MDGA2: variants seen among roughly 807,000 people sequenced by gnomAD.
MDGA2 encodes MAM domain containing glycosylphosphatidylinositol anchor 2.
MDGA2 carries 40 observed loss-of-function variants against 117.8 expected under a neutral mutation model. The ratio of observed to expected loss-of-function variants is 0.34; its 90% CI spans 0.26 to 0.44. MDGA2 has a LOEUF of 0.44. MDGA2 is among the 20% of genes least tolerant of loss of function. The pLI is 1.00. For synonymous variants in MDGA2, 452 were observed against 439.0 expected (o/e 1.03, Z -0.37); for missense variants, 1,123 against 1,250.6 (o/e 0.90, Z 1.54).
intron 9 of MDGA2, among the ~76,000 whole-genome samples, chr14:46,934,887 T>C (rs1884720294): frequency 1.3e-5 from 2 of 152,126 alleles, no homozygotes; most frequent in Non-Finnish European, 1.5e-5. Context: ...AAGGTCAAAA[T>C]AGCTATGACA....
chr14:47,598,495 A>C (rs1363199164), intron 1 of MDGA2, among the ~76,000 whole-genome samples: 1 of 152,204 alleles, frequency 6.6e-6, no homozygotes, highest in Non-Finnish European at 1.5e-5. Context: ...GTTCAGCCAT[A>C]AAAATAATGA....
chr14:47,000,889 G>A (rs1226428262), intron 8 of MDGA2, among the ~76,000 whole-genome samples: 1 of 151,966 alleles, frequency 6.6e-6, no homozygotes, highest in Non-Finnish European at 1.5e-5. Flanking sequence ...AGTAAGCATA[G>A]TTTGATTCTA....
chr14:47,208,893 AAC>A (rs1885781766), intron 3 of MDGA2, among the ~76,000 whole-genome samples: 1 of 151,976 alleles, frequency 6.6e-6, no homozygotes, highest in South Asian at 2.1e-4. Flanking sequence ...CAAAAGTATA[AAC>A]ACAGGCACAC....
rs918065187 is a variant in MDGA2, at chr14:47,198,283, T to C, written c.595+19738A>G. On this transcript the variant is annotated intron_variant, in intron 3 of 16. Transcript: ENST00000399232. Reference sequence around the variant, plus strand: ...TATCTACTTTAACTTGTTTAAAAAATGATTGAGGGCTGGACATGGTGGCTC... The same window carrying C: ...TATCTACTTTAACTTGTTTAAAAAACGATTGAGGGCTGGACATGGTGGCTC... Among the ~76,000 whole-genome samples the C allele has an allele frequency of 3.3e-5, 5 of 152,076 alleles. No individual in the cohort carries two copies. The East Asian group carries it at 9.7e-4, about 29-fold the overall frequency.
chr14:47,296,089 G>T (rs1232858203), intron 2 of MDGA2, among the ~76,000 whole-genome samples: 1 of 152,128 alleles, frequency 6.6e-6, no homozygotes, highest in Non-Finnish European at 1.5e-5. Context: ...AAGCTGTGCA[G>T]TGGAATATTG....
At chr14:47,603,040 C>A (rs573790488) in intron 1 of MDGA2, among the ~76,000 whole-genome samples, 1 of 152,040 alleles carries the variant, frequency 6.6e-6, no homozygotes, top group African/African-American at 2.4e-5. Context: ...GCCTTGGGAG[C>A]CTGCTTCTTC....
intron 1 of MDGA2, among the ~76,000 whole-genome samples, chr14:47,629,692 C>T (rs1897218124): frequency 6.6e-6 from 1 of 152,148 alleles, no homozygotes; most frequent in Admixed American, 6.5e-5. Context: ...TACTTTCTCC[C>T]TTATACATTA....
chr14:47,416,274 A>T lies in MDGA2; in HGVS notation c.281-114724T>A, dbSNP rs1892473954. On this transcript the variant is annotated intron_variant, in intron 1 of 16. Coordinates refer to ENST00000399232, the MANE Select transcript of MDGA2 (RefSeq NM_001113498.3). Reference sequence around the variant, plus strand: ...GATACAACAGTGAAACAGGAATAGCATAGATATTCCTCTTCCAAAAAAGAA... The same window carrying T: ...GATACAACAGTGAAACAGGAATAGCTTAGATATTCCTCTTCCAAAAAAGAA... 2.7e-5 allele frequency among the ~76,000 whole-genome samples: 4 copies of T among 147,514 alleles called. No homozygotes were observed. The South Asian group carries it at 9.0e-4, about 33-fold the overall frequency.
At chr14:46,976,488 A>G (rs1037232283) in intron 8 of MDGA2, among the ~76,000 whole-genome samples, 11 of 152,066 alleles carry the variant, frequency 7.2e-5, no homozygotes, top group African/African-American at 2.2e-4. Context: ...GCTTGGTTAG[A>G]GCTGTTTTTT....
At chr14:47,453,140 C>T (rs1000376100) in intron 1 of MDGA2, among the ~76,000 whole-genome samples, 5 of 151,874 alleles carry the variant, frequency 3.3e-5, no homozygotes, top group Admixed American at 1.3e-4. Context: ...ATTACATGCT[C>T]TATTAATATA....
At chr14:47,088,955 G>T (rs1441173316) in intron 6 of MDGA2, among the ~76,000 whole-genome samples, 1 of 152,082 alleles carries the variant, frequency 6.6e-6, no homozygotes, top group African/African-American at 2.4e-5. Flanking sequence ...CATTAAGTAA[G>T]ATTATGTCCA....
chr14:46,974,095 A>G lies in MDGA2; in HGVS notation c.1820-16452T>C, dbSNP rs187705735. Among the ~76,000 whole-genome samples the G allele has an allele frequency of 3.9e-3, 588 of 152,190 alleles. 8 individuals are homozygous for G. Among genetic ancestry groups the G allele is most frequent in the African/African-American group, 0.014 (575 of 41,528 alleles). On this transcript the variant is annotated intron_variant, in intron 8 of 16. Coordinates refer to ENST00000399232, the MANE Select transcript of MDGA2 (RefSeq NM_001113498.3). Reference sequence around the variant, plus strand: ...ACATTTTGAAAAAGAAATTACAAAAAAAATCCATTTATAATAGTATCAAAA... The same window carrying G: ...ACATTTTGAAAAAGAAATTACAAAAGAAATCCATTTATAATAGTATCAAAA...
chr14:46,958,356 T>A (rs975075789), intron 8 of MDGA2, among the ~76,000 whole-genome samples: 4 of 151,890 alleles, frequency 2.6e-5, no homozygotes, highest in African/African-American at 9.7e-5. Context: ...AAGAAGACCA[T>A]AAGCGCTTGG....
intron 8 of MDGA2, among the ~76,000 whole-genome samples, chr14:46,958,896 C>T (rs994706194): frequency 6.6e-4 from 101 of 152,198 alleles, no homozygotes; most frequent in African/African-American, 2.3e-3. Context: ...TGGGTGTGCC[C>T]ACTAAGAAGG....
intron 1 of MDGA2, among the ~76,000 whole-genome samples, chr14:47,376,733 A>G (rs1488762618): frequency 2.0e-5 from 3 of 152,164 alleles, no homozygotes; most frequent in East Asian, 1.9e-4. Flanking sequence ...CAGCAAAACA[A>G]TGTAATTAGT....
chr14:47,618,943 G>A (rs1055494190), intron 1 of MDGA2, among the ~76,000 whole-genome samples: 3 of 151,758 alleles, frequency 2.0e-5, no homozygotes, highest in Admixed American at 6.6e-5. Flanking sequence ...CTTTCATGGT[G>A]GTCAGATGTG....
chr14:47,057,754 T>G (rs575760170), intron 7 of MDGA2, among the ~76,000 whole-genome samples: 1 of 150,938 alleles, frequency 6.6e-6, no homozygotes, highest in South Asian at 2.1e-4. Context: ...TGCCTTGCCT[T>G]GCCTTGCCTT....
At chr14:46,985,235 G>A (rs1022319832) in intron 8 of MDGA2, among the ~76,000 whole-genome samples, 4 of 151,964 alleles carry the variant, frequency 2.6e-5, no homozygotes, top group African/African-American at 4.8e-5. Flanking sequence ...ATGAAATAAC[G>A]TGAAAGTGAC....
At chr14:47,142,904 C>A (rs1047911475) in intron 4 of MDGA2, among the ~76,000 whole-genome samples, 3 of 152,046 alleles carry the variant, frequency 2.0e-5, no homozygotes, top group African/African-American at 4.8e-5. Flanking sequence ...CTGTTCTATA[C>A]CTTTTAAAAA....
Sources: gnomAD v4.1 joint callset for allele counts (sites outside exome capture counted in the v4.1 genomes callset) on GRCh38, gnomAD v4.1.1 for gene constraint, MANE v1.5 for transcripts, NCBI Gene and HGNC (gene_info 2026-07-23, HGNC 2026-07-21) for gene names.